Variants in CCDC33 observed in about 807,000 individuals in gnomAD.
The protein encoded by CCDC33 is coiled-coil domain containing 33.
A neutral mutation model predicts 91.9 loss-of-function variants in CCDC33; 94 were observed. That is an observed-to-expected ratio of 1.02 (90% CI 0.87 to 1.21). The LOEUF is 1.21. CCDC33 is among the 50% of genes most tolerant of loss of function. The pLI is 0.00. For synonymous variants in CCDC33, 396 were observed against 374.5 expected (o/e 1.06, Z -0.66); for missense variants, 940 against 935.5 (o/e 1.00, Z -0.06).
chr15:74,225,115 G>GGTGTGTGTGTGTGT (rs1424751006), intron 2 of CCDC33, among the ~76,000 whole-genome samples: 2 of 117,112 alleles, frequency 1.7e-5, no homozygotes, highest in African/African-American at 7.3e-5. Flanking sequence ...ACCTCCTGGA[G>GGTGTGTGTGTGTGT]GCGTGTGTGT....
At position 74,244,758 on chromosome 15, in the gene CCDC33, G is replaced by A. The variant is rs951621515; in HGVS notation, c.185+610G>A. On this transcript the variant is annotated intron_variant, in intron 2 of 18. Coordinates refer to ENST00000398814, the MANE Select transcript of CCDC33 (RefSeq NM_025055.5). The surrounding 1 kb of genome is among the most constrained non-coding windows in gnomAD (Gnocchi z 4.2). ...TCACGGGTCTCACTTCTTCCAGAAA[G>A]GCGCCAAGGGGCAACACAATCTCCA... Among the ~76,000 whole-genome samples the A allele has an allele frequency of 3.3e-5, 5 of 152,192 alleles. No homozygotes were observed. The highest frequency in any genetic ancestry group is 1.2e-4 in the African/African-American group (5 of 41,446).
exon 1 of CCDC33, chr15:74,203,060 C>T (rs1199489638): frequency 3.0e-6 from 3 of 985,578 alleles, no homozygotes; most frequent in Admixed American, 6.1e-5. Context: ...TCTGCAGTGC[C>T]GCACACAGAC....
chr15:74,309,358 G>T (rs1051024605), intron 11 of CCDC33, among the ~76,000 whole-genome samples: 1 of 152,222 alleles, frequency 6.6e-6, no homozygotes, highest in Non-Finnish European at 1.5e-5. Context: ...CCAGGTGCCT[G>T]GCGTGCAGTG....
chr15:74,215,669 TGCTAAG>T (rs2074422493), upstream of CCDC33, among the ~76,000 whole-genome samples: 1 of 152,072 alleles, frequency 6.6e-6, no homozygotes, highest in African/African-American at 2.4e-5. Context: ...CCTAAAACCT[TGCTAAG>T]GCCAACAGAG....
intron 1 of CCDC33, chr15:74,207,998 T>A (rs2074301799): frequency 7.1e-7 from 1 of 1,402,314 alleles, no homozygotes; most frequent in Non-Finnish European, 9.3e-7. Flanking sequence ...AAGCACCATC[T>A]GATGTGCCCT....
chr15:74,267,055 T>C (rs1332274608), intron 4 of CCDC33, among the ~76,000 whole-genome samples: 1 of 152,220 alleles, frequency 6.6e-6, no homozygotes, highest in Non-Finnish European at 1.5e-5. Context: ...CAATTAAAGA[T>C]AGATTTTGAT....
intron 11 of CCDC33, among the ~76,000 whole-genome samples, chr15:74,329,208 C>G (rs2060375196): frequency 6.6e-6 from 1 of 151,982 alleles, no homozygotes. Flanking sequence ...GATTTTTTCT[C>G]TCGATTGGGG....
intron 10 of CCDC33, among the ~76,000 whole-genome samples, chr15:74,293,372 T>C (rs1478567500): frequency 6.6e-6 from 1 of 152,190 alleles, no homozygotes; most frequent in African/African-American, 2.4e-5. Context: ...CTTTGCCCTG[T>C]ATTTATGCTT....
intron 11 of CCDC33, among the ~76,000 whole-genome samples, chr15:74,329,370 A>G (rs2060378562): frequency 6.6e-6 from 1 of 152,188 alleles, no homozygotes. Flanking sequence ...CCCTGGCTCT[A>G]TCACTAATCA....
chr15:74,285,347 G>A (rs1433496580), intron 10 of CCDC33, among the ~76,000 whole-genome samples: 2 of 152,260 alleles, frequency 1.3e-5, no homozygotes, highest in African/African-American at 4.8e-5. Flanking sequence ...TTGCAAATAG[G>A]CAGAGACAGC....
Position 74,321,711 on chromosome 15 carries a change from T to C in CCDC33, c.1291-8478T>C, listed in dbSNP as rs930897704. ...CACCGCACCGGGCCAAGAAATGTGG[T>C]TAATTCCCTTTAAAAGTATTGGGAA... On this transcript the variant is annotated intron_variant, in intron 11 of 18. Coordinates refer to ENST00000398814, the MANE Select transcript of CCDC33 (RefSeq NM_025055.5). Among the ~76,000 whole-genome samples the C allele has an allele frequency of 5.9e-5, 9 of 152,196 alleles. No homozygotes were observed. The East Asian group carries it at 1.5e-3, about 26-fold the overall frequency.
chr15:74,265,935 ACT>A (rs1205341311), intron 3 of CCDC33, among the ~76,000 whole-genome samples: 1 of 151,964 alleles, frequency 6.6e-6, no homozygotes, highest in Non-Finnish European at 1.5e-5. Context: ...GAGGCAGGAG[ACT>A]CTCTTGAACC....
At chr15:74,203,331 C>T (rs1285723546) in intron 1 of CCDC33, 1 of 412,620 alleles carries the variant, frequency 2.4e-6, no homozygotes, top group African/African-American at 2.2e-5. Context: ...GCCTCCTGCT[C>T]CTCCTGGAGT....
exon 1 of CCDC33, chr15:74,217,500 A>G (rs1038816177): frequency 2.5e-5 from 32 of 1,289,194 alleles, no homozygotes; most frequent in Admixed American, 2.3e-4. Context: ...CTGCTCTGCT[A>G]TCACTGATGT....
Position 74,331,042 on chromosome 15 carries a change from T to A in CCDC33, c.1607T>A (p.Leu536Gln). The A allele has an allele frequency of 6.2e-7, 1 of 1,612,772 alleles. No homozygotes were observed. The highest frequency in any genetic ancestry group is 8.5e-7 in the Non-Finnish European group (1 of 1,179,274). ...LYQAQQPQAA[L>Q]LKQYQGKLQK... is the part of the protein sequence containing the mutation. ...CAGGCCCAGCAGCCACAGGCCGCTC[T>A]GCTGAAGCAGTACCAGGGCAAGCTG... Residue 536 changes from leucine (L) to glutamine (Q), a missense_variant, in exon 14 of 19, where the codon CTG (leucine) becomes CAG (glutamine). By Grantham distance (113) the Leu-to-Gln change is moderately radical. Coordinates refer to ENST00000398814, the MANE Select transcript of CCDC33 (RefSeq NM_025055.5).
chr15:74,303,063 G>C (rs574361430), intron 11 of CCDC33: 1 of 152,384 alleles, frequency 6.6e-6, no homozygotes, highest in South Asian at 2.1e-4. Flanking sequence ...AGTCAGACCC[G>C]GCCTCCACTC....
intron 10 of CCDC33, among the ~76,000 whole-genome samples, chr15:74,286,771 T>C (rs949882028): frequency 6.6e-6 from 1 of 152,070 alleles, no homozygotes; most frequent in Admixed American, 6.5e-5. Flanking sequence ...CCCACAGACA[T>C]GCTGGGATGA....
intron 11 of CCDC33, among the ~76,000 whole-genome samples, chr15:74,322,832 G>C (rs745821915): frequency 3.3e-5 from 5 of 152,274 alleles, no homozygotes; most frequent in Admixed American, 3.3e-4. Flanking sequence ...CTGGGGATCC[G>C]GGGAACCCTG....
At chr15:74,205,746 C>T (rs1330660039) in intron 1 of CCDC33, among the ~76,000 whole-genome samples, 1 of 152,200 alleles carries the variant, frequency 6.6e-6, no homozygotes, top group East Asian at 1.9e-4. Context: ...CAGTCCCTTC[C>T]CCACCCCCCA....
Sources: gnomAD v4.1 joint callset for allele counts (sites outside exome capture counted in the v4.1 genomes callset) on GRCh38, gnomAD v4.1.1 for gene constraint, Gnocchi (gnomAD v3.1) non-coding constraint, MANE v1.5 for transcripts, NCBI Gene and HGNC (gene_info 2026-07-23, HGNC 2026-07-21) for gene names.